CNTNAP2: variants seen among roughly 807,000 people sequenced by gnomAD.
CNTNAP2 encodes the protein contactin associated protein 2.
In CNTNAP2, 98 loss-of-function variants were observed where a neutral mutation model predicts 155.2. The ratio of observed to expected loss-of-function variants is 0.63; its 90% CI spans 0.54 to 0.75. CNTNAP2 has a LOEUF of 0.75. Ranked by LOEUF, CNTNAP2 falls within the 30% of genes least tolerant of loss-of-function variation. The probability of loss-of-function intolerance (pLI) is 0.00; values close to 1 mark genes in which losing one functional copy is unlikely to be tolerated. For missense variants in CNTNAP2, 1,727 were observed against 1,688.1 expected, an observed-to-expected ratio of 1.02 and a Z score of -0.40; for synonymous variants, 651 against 631.2, an observed-to-expected ratio of 1.03 and a Z score of -0.47.
intron 1 of CNTNAP2, among the ~76,000 whole-genome samples, chr7:146,499,070 T>C (rs1797261758): frequency 6.6e-6 from 1 of 152,246 alleles, no homozygotes; most frequent in African/African-American, 2.4e-5. Context: ...GCATCTTAAA[T>C]AGATTATCTG....
chr7:146,931,733 A>G (rs1796762693), intron 3 of CNTNAP2, among the ~76,000 whole-genome samples: 1 of 149,866 alleles, frequency 6.7e-6, no homozygotes. Context: ...AAATAGACAC[A>G]ATAAAAAATG....
chr7:146,934,054 C>T (rs1416418605), intron 3 of CNTNAP2, among the ~76,000 whole-genome samples: 1 of 152,068 alleles, frequency 6.6e-6, no homozygotes, highest in African/African-American at 2.4e-5. Context: ...GGATCTAGAA[C>T]TAGAAATACC....
chr7:146,448,375 G>C (rs1193393216), intron 1 of CNTNAP2, among the ~76,000 whole-genome samples: 3 of 151,076 alleles, frequency 2.0e-5, no homozygotes, highest in Non-Finnish European at 3.0e-5. Context: ...TTTCAGAAGG[G>C]GGATAAAGAA....
chr7:148,373,503 A>C (rs2116644293), intron 21 of CNTNAP2, among the ~76,000 whole-genome samples: 1 of 152,286 alleles, frequency 6.6e-6, no homozygotes, highest in Non-Finnish European at 1.5e-5. Flanking sequence ...TAATGATAAA[A>C]AGCACATTAT....
chr7:148,121,282 G>A (rs769020584), intron 16 of CNTNAP2, among the ~76,000 whole-genome samples: 6 of 152,098 alleles, frequency 3.9e-5, no homozygotes, highest in Admixed American at 6.5e-5. Context: ...ATCCACCCGC[G>A]TCGGCCTCCC....
chr7:147,130,795 T>C (rs1046563986), intron 7 of CNTNAP2, among the ~76,000 whole-genome samples: 2 of 152,100 alleles, frequency 1.3e-5, no homozygotes, highest in Admixed American at 1.3e-4. Context: ...ACCGTTACTC[T>C]GGAAGGATCT....
intron 12 of CNTNAP2, among the ~76,000 whole-genome samples, chr7:147,587,270 C>T (rs1800648197): frequency 6.6e-6 from 1 of 152,128 alleles, no homozygotes; most frequent in Non-Finnish European, 1.5e-5. Context: ...GATGCTAAGA[C>T]AAGACGCAGG....
chr7:146,622,192 C>CACACACGTAT (rs1563160427), intron 1 of CNTNAP2, among the ~76,000 whole-genome samples: 1 of 130,098 alleles, frequency 7.7e-6, no homozygotes, highest in African/African-American at 3.3e-5. Context: ...CACATATATA[C>CACACACGTAT]ATATATATAC....
chr7:147,301,730 T>C (rs1319487797), intron 9 of CNTNAP2, among the ~76,000 whole-genome samples: 1 of 151,546 alleles, frequency 6.6e-6, no homozygotes, highest in Non-Finnish European at 1.5e-5. Context: ...CTAGAAAAAA[T>C]CCTGGAATGT....
chr7:147,340,675 C>T (rs958310759), intron 9 of CNTNAP2, among the ~76,000 whole-genome samples: 2 of 152,146 alleles, frequency 1.3e-5, no homozygotes, highest in East Asian at 1.9e-4. Context: ...AAAACAGTGA[C>T]ATATTCTGTC....
At chr7:147,551,219 T>C (rs1799846273) in intron 11 of CNTNAP2, among the ~76,000 whole-genome samples, 1 of 152,218 alleles carries the variant, frequency 6.6e-6, no homozygotes, top group Admixed American at 6.5e-5. Flanking sequence ...TAAATTGTTT[T>C]TCTTCTCATG....
intron 18 of CNTNAP2, among the ~76,000 whole-genome samples, chr7:148,209,192 G>C (rs758499651): frequency 1.3e-5 from 2 of 151,944 alleles, no homozygotes; most frequent in African/African-American, 2.4e-5. Flanking sequence ...ATGGTGCCAT[G>C]ATGGGTCCTT....
At chr7:147,825,425 T>C (rs548399784) in intron 13 of CNTNAP2, among the ~76,000 whole-genome samples, 1 of 152,312 alleles carries the variant, frequency 6.6e-6, no homozygotes, top group South Asian at 2.1e-4. Flanking sequence ...TCAATTAATA[T>C]AGTTGGGTAG....
chr7:147,814,661 G>A (rs79307275), intron 13 of CNTNAP2, among the ~76,000 whole-genome samples: 6,585 of 152,074 alleles, frequency 0.043, 426 homozygotes, highest in African/African-American at 0.15. Flanking sequence ...ACTTTTACAT[G>A]CCATCGGGAA....
At chr7:147,224,345 G>GAT (rs1803475185) in intron 8 of CNTNAP2, among the ~76,000 whole-genome samples, 1 of 152,118 alleles carries the variant, frequency 6.6e-6, no homozygotes, top group African/African-American at 2.4e-5. Context: ...GATATATTCT[G>GAT]ACATATGAAA....
At chr7:146,703,088 A>G (rs1800904679) in intron 1 of CNTNAP2, among the ~76,000 whole-genome samples, 1 of 152,222 alleles carries the variant, frequency 6.6e-6, no homozygotes, top group African/African-American at 2.4e-5. Context: ...AAGTTACAAA[A>G]GAAAAAGCCA....
rs182193167 is a variant in CNTNAP2 at position 146,248,396 on chromosome 7, G to A, written c.97+131423G>A. Among the ~76,000 whole-genome samples the A allele has an allele frequency of 6.8e-3, 1,028 of 152,202 alleles. 14 individuals carry two copies. The highest frequency in any genetic ancestry group is 0.023 in the African/African-American group (974 of 41,532). ...GAAGGACCAAGGCAGGCATCCCTGC[G>A]TGGTCTGACACCTCTGAAACCTGGG... On this transcript the variant is annotated intron_variant, in intron 1 of 23. Coordinates refer to ENST00000361727, the MANE Select transcript of CNTNAP2 (RefSeq NM_014141.6).
rs368604910 is a variant in CNTNAP2 at position 148,139,917 on chromosome 7, C to T, written c.2555-7574C>T. On this transcript the variant is annotated intron_variant, in intron 16 of 23. Coordinates refer to ENST00000361727, the MANE Select transcript of CNTNAP2 (RefSeq NM_014141.6). ...ACCAGTTGCAAATTTAGAGAGACCACATTCCCCATAAGACTGCATATGCTT... is the reference window on the plus strand; with the variant it reads ...ACCAGTTGCAAATTTAGAGAGACCATATTCCCCATAAGACTGCATATGCTT... 6.6e-5 allele frequency among the ~76,000 whole-genome samples: 10 copies of T among 152,176 alleles called. No individual in the cohort carries two copies. In the East Asian group the frequency reaches 7.7e-4, roughly 12 times the overall value.
intron 1 of CNTNAP2, among the ~76,000 whole-genome samples, chr7:146,445,249 G>A (rs745305669): frequency 2.4e-4 from 36 of 152,126 alleles, no homozygotes; most frequent in Admixed American, 7.9e-4. Flanking sequence ...TATGCCTGAC[G>A]TTGTTGTAAC....
Sources: gnomAD v4.1 joint callset for allele counts (sites outside exome capture counted in the v4.1 genomes callset) on GRCh38, gnomAD v4.1.1 for gene constraint, MANE v1.5 for transcripts, NCBI Gene and HGNC (gene_info 2026-07-23, HGNC 2026-07-21) for gene names.